Variants in EXOC2 observed in about 807,000 individuals in gnomAD.
The protein encoded by EXOC2 is exocyst complex component 2.
A neutral mutation model predicts 131.8 loss-of-function variants in EXOC2; 70 were observed. That is an observed-to-expected ratio of 0.53 (90% CI 0.44 to 0.65). EXOC2 has a LOEUF of 0.65. Among genes scored for constraint, EXOC2 ranks in the 30% least tolerant of loss-of-function variants. EXOC2 has a pLI of 0.00. For synonymous variants in EXOC2, 411 were observed against 398.4 expected, an observed-to-expected ratio of 1.03 and a Z score of -0.38; for missense variants, 923 against 1,108.6, an observed-to-expected ratio of 0.83 and a Z score of 2.38.
intron 22 of EXOC2, among the ~76,000 whole-genome samples, chr6:543,576 A>C (rs544818967): frequency 6.6e-6 from 1 of 152,342 alleles, no homozygotes; most frequent in South Asian, 2.1e-4. Flanking sequence ...GTCCTCAACA[A>C]AGGTAAGTTG....
At chr6:656,701 G>A in intron 1 of EXOC2, 1 of 1,605,062 alleles carries the variant, frequency 6.2e-7, no homozygotes. Context: ...TCCGCCGTCA[G>A]CTCCAGGTGG....
chr6:530,923 G>A (rs751509541), intron 23 of EXOC2, among the ~76,000 whole-genome samples: 5 of 152,282 alleles, frequency 3.3e-5, no homozygotes, highest in East Asian at 3.9e-4. Flanking sequence ...CACAAAGCAC[G>A]GGCATTGTAT....
chr6:575,534 C>CCATCCTCTCCCTCG (rs1368080177), intron 12 of EXOC2, among the ~76,000 whole-genome samples: 8 of 152,168 alleles, frequency 5.3e-5, no homozygotes, highest in Non-Finnish European at 8.8e-5. Flanking sequence ...CGCTCCATCT[C>CCATCCTCTCCCTCG]CTGCCATGCG....
Position 641,119 on chromosome 6 carries a change from TG to T in EXOC2, c.-43-3259del, listed in dbSNP as rs756413690. 2.7e-4 allele frequency among the ~76,000 whole-genome samples: 41 copies of T among 152,030 alleles called. 1 individual carries two copies. The highest frequency in any genetic ancestry group is 4.6e-4 in the Non-Finnish European group (31 of 67,978). ...AAGGCACAAAAGGCGGATGTGTGTT[TG>T]GGGGCAGGCAAGACAGGTAAACCAG... On this transcript the variant is annotated intron_variant, in intron 1 of 27. Transcript: ENST00000230449.
rs779436571 is a variant in EXOC2, at chr6:576,829, A to G, written c.1246T>C (p.Ser416Pro). Reference protein sequence around the residue: ...MLDLDNDTRPSVLGHLSQTAS... With the variant: ...MLDLDNDTRPPVLGHLSQTAS... ...GTCTGACTGAGATGGCCCAACACTG[A>G]GGGACGTGTATCATTATCAAGATCC... is the stretch of plus-strand genomic sequence containing the variant. Residue 416 changes from serine to proline, a missense_variant, in exon 12 of 28, where the codon TCA becomes CCA. Coordinates refer to ENST00000230449, the MANE Select transcript of EXOC2 (RefSeq NM_018303.6). 4 of 1,613,980 alleles carry G rather than the reference A, an allele frequency of 2.5e-6. 1 individual carries two copies. In the African/African-American group the frequency reaches 4.0e-5, roughly 16 times the overall value.
chr6:624,784 G>A (rs1406557784), intron 4 of EXOC2, among the ~76,000 whole-genome samples: 3 of 152,204 alleles, frequency 2.0e-5, no homozygotes, highest in Non-Finnish European at 4.4e-5. Context: ...GAAAGGAAGA[G>A]GTAGTATATC....
At chr6:560,710 C>CTT (rs1250904675) in intron 17 of EXOC2, among the ~76,000 whole-genome samples, 4 of 144,152 alleles carry the variant, frequency 2.8e-5, no homozygotes, top group Non-Finnish European at 1.5e-5. Context: ...AATTTTCTTT[C>CTT]TTTTTTTTTT....
rs540611974 is a variant in EXOC2 at position 564,385 on chromosome 6, G to A, written c.1667+160C>T. The stretch of plus-strand genomic sequence containing the variant: ...TAGTCCAACACAAAAACCAGGAACA[G>A]TGAGGAGCTTAGCTGTCAGATGATG... On this transcript the variant is annotated intron_variant, in intron 15 of 27. Transcript: ENST00000230449. 1.2e-4 allele frequency among the ~76,000 whole-genome samples: 18 copies of A among 152,316 alleles called. 1 individual carries two copies. In the South Asian group the frequency reaches 3.7e-3, roughly 32 times the overall value.
At chr6:687,202 G>A (rs1264939255) in intron 1 of EXOC2, among the ~76,000 whole-genome samples, 4 of 65,324 alleles carry the variant, frequency 6.1e-5, no homozygotes, top group South Asian at 5.8e-4. Context: ...TTTGAGACAG[G>A]GTCTCACTCA....
chr6:496,814 T>C (rs1170459739), intron 25 of EXOC2, among the ~76,000 whole-genome samples: 1 of 152,242 alleles, frequency 6.6e-6, no homozygotes, highest in Non-Finnish European at 1.5e-5. Flanking sequence ...CGAAGGGCAC[T>C]GCTTTTTGAA....
intron 22 of EXOC2, among the ~76,000 whole-genome samples, chr6:548,083 CT>C (rs1447779413): frequency 2.0e-5 from 3 of 152,268 alleles, no homozygotes; most frequent in South Asian, 4.1e-4. Flanking sequence ...CAAATAGCCA[CT>C]TTTTTACTGC....
At chr6:679,310 T>C (rs1354178186) in intron 1 of EXOC2, 1 of 151,992 alleles carries the variant, frequency 6.6e-6, no homozygotes, top group Non-Finnish European at 1.5e-5. Flanking sequence ...GGTATAAGCT[T>C]ACAGTTCACA....
At chr6:576,715 A>T (rs1054235535) in intron 12 of EXOC2, 42 bp downstream of exon 12, 3 of 1,602,498 alleles carry the variant, frequency 1.9e-6, no homozygotes, top group Non-Finnish European at 2.6e-6. Flanking sequence ...TTACACGAGT[A>T]CAAATTTAAA....
intron 22 of EXOC2, among the ~76,000 whole-genome samples, chr6:533,618 T>C (rs1264983909): frequency 6.6e-6 from 1 of 151,698 alleles, no homozygotes; most frequent in Middle Eastern, 3.4e-3. Context: ...CCGATGGGAG[T>C]GGGAGCAGAA....
chr6:580,722 C>T (rs1758844457), intron 11 of EXOC2, among the ~76,000 whole-genome samples: 1 of 151,976 alleles, frequency 6.6e-6, no homozygotes, highest in Admixed American at 6.6e-5. Flanking sequence ...TAAAATATAC[C>T]TGTAAAGATT....
chr6:599,783 A>C (rs1581527180), intron 7 of EXOC2, among the ~76,000 whole-genome samples: 3 of 152,346 alleles, frequency 2.0e-5, no homozygotes. Flanking sequence ...GACAAATGTG[A>C]AGGCAGCATC....
At chr6:576,714 T>C (rs144211734) in intron 12 of EXOC2, 43 bp downstream of exon 12, 2 of 1,600,342 alleles carry the variant, frequency 1.2e-6, no homozygotes, top group South Asian at 1.1e-5. Context: ...ATTACACGAG[T>C]ACAAATTTAA....
chr6:512,358 G>A (rs543278169), intron 23 of EXOC2, among the ~76,000 whole-genome samples: 1 of 152,234 alleles, frequency 6.6e-6, no homozygotes, highest in Non-Finnish European at 1.5e-5. Flanking sequence ...ATGTGAAGAT[G>A]AGGATGAAGA....
chr6:497,343 T>C (rs1374273728), intron 25 of EXOC2, 24 bp downstream of exon 25: 29 of 1,608,462 alleles, frequency 1.8e-5, no homozygotes, highest in Non-Finnish European at 2.5e-5. Flanking sequence ...AGAAGTTCAA[T>C]ATGAAATTGA....
Sources: allele counts gnomAD v4.1 joint callset (sites outside exome capture counted in the v4.1 genomes callset), GRCh38; gene constraint gnomAD v4.1.1; transcripts MANE v1.5; gene names NCBI Gene and HGNC (gene_info 2026-07-23, HGNC 2026-07-21).